BBOX1: variants seen among roughly 807,000 people sequenced by gnomAD.
BBOX1 encodes the protein gamma-butyrobetaine hydroxylase 1.
Under a neutral mutation model 41.6 loss-of-function variants are expected in BBOX1, and 35 were observed. The observed-to-expected ratio is 0.84, with a 90% CI of 0.64 to 1.11. The LOEUF (loss-of-function observed/expected upper bound fraction) is 1.11. Among genes scored for constraint, BBOX1 ranks in the 50% most tolerant of loss-of-function variants. The probability of loss-of-function intolerance (pLI) is 0.00; values close to 1 mark genes in which losing one functional copy is unlikely to be tolerated. For missense variants in BBOX1, 458 were observed against 460.6 expected (o/e 0.99, Z 0.05); for synonymous variants, 163 against 154.7 (o/e 1.05, Z -0.40).
At chr11:27,109,501 C>G (rs757197250) in intron 5 of BBOX1, among the ~76,000 whole-genome samples, 4 of 151,730 alleles carry the variant, frequency 2.6e-5, no homozygotes, top group Non-Finnish European at 4.4e-5. Flanking sequence ...TAGTTGGAAC[C>G]TGAGCTAGAT....
In BBOX1 at chr11:27,097,635, G is replaced by T. The variant is rs140661961; in HGVS notation, c.533+4269G>T. Among the ~76,000 whole-genome samples, 51 of 152,074 alleles carry T rather than the reference G, an allele frequency of 3.4e-4. 1 individual carries two copies. The highest frequency in any genetic ancestry group is 1.1e-3 in the African/African-American group (47 of 41,510). ...TAGGCCAATAAAAATTCCATAAAGC[G>T]AAGGAACAGACTGAAAAGTAACCCC... is the stretch of plus-strand genomic sequence containing the variant. On this transcript the variant is annotated intron_variant, in intron 5 of 8. Transcript: ENST00000263182.
intron 2 of BBOX1, chr11:27,047,343 A>T (rs1021940770): frequency 6.6e-6 from 1 of 152,262 alleles, no homozygotes; most frequent in Admixed American, 6.5e-5. Flanking sequence ...AAAAAAACAG[A>T]TAGAAAGCTC....
At chr11:27,073,181 T>C (rs933106016) in intron 4 of BBOX1, among the ~76,000 whole-genome samples, 20 of 152,284 alleles carry the variant, frequency 1.3e-4, no homozygotes, top group African/African-American at 4.8e-4. Context: ...AAAGGGCTAA[T>C]ATCCAGAATC....
At chr11:27,116,430 A>T (rs746642400) in intron 6 of BBOX1, among the ~76,000 whole-genome samples, 3 of 151,386 alleles carry the variant, frequency 2.0e-5, no homozygotes, top group Non-Finnish European at 4.4e-5. Flanking sequence ...TATGTAACAA[A>T]CCTGCACATT....
chr11:27,082,438 G>C (rs2218317), intron 4 of BBOX1, among the ~76,000 whole-genome samples: 33,593 of 151,970 alleles, frequency 0.22, 4,273 homozygotes, highest in African/African-American at 0.33. Flanking sequence ...AGGACAGAGA[G>C]TAAAACAATT....
At chr11:27,068,834 T>C (rs1216961584) in intron 4 of BBOX1, among the ~76,000 whole-genome samples, 1 of 152,154 alleles carries the variant, frequency 6.6e-6, no homozygotes, top group Admixed American at 6.6e-5. Flanking sequence ...AAGGTATCTT[T>C]TCCCCAATTT....
At chr11:27,053,150 C>T (rs1856867495) in intron 2 of BBOX1, among the ~76,000 whole-genome samples, 1 of 152,180 alleles carries the variant, frequency 6.6e-6, no homozygotes, top group South Asian at 2.1e-4. Context: ...TCATAATTGT[C>T]TTCTCCTGGT....
In BBOX1 at chr11:27,055,536, G is replaced by A. The variant is rs202054890; in HGVS notation, c.106G>A (p.Asp36Asn). The A allele has an allele frequency of 1.9e-6, 3 of 1,614,212 alleles. No homozygotes were observed. Among genetic ancestry groups the A allele is most frequent in the Non-Finnish European group, 2.5e-6 (3 of 1,180,032 alleles). ...TCTCTACCCAGCTGTATGGTTGAGA[G>A]ACAACTGTCCGTGCTCTGATTGCTA... The part of the protein sequence containing the change: ...ESLYPAVWLR[D>N]NCPCSDCYLD... Residue 36 changes from aspartate (D) to asparagine (N), a missense_variant, in exon 3 of 9, where the codon GAC (aspartate) becomes AAC (asparagine). Transcript: ENST00000263182.
chr11:27,123,668 A>T (rs974006674), intron 7 of BBOX1, among the ~76,000 whole-genome samples: 3 of 152,100 alleles, frequency 2.0e-5, no homozygotes, highest in African/African-American at 4.8e-5. Context: ...AGCAGCATGA[A>T]CTCTAAGGGG....
chr11:27,082,289 G>A (rs1590196884), intron 4 of BBOX1, among the ~76,000 whole-genome samples: 1 of 152,198 alleles, frequency 6.6e-6, no homozygotes, highest in African/African-American at 2.4e-5. Flanking sequence ...AAGGTATATT[G>A]TGCCTCAGCA....
intron 4 of BBOX1, among the ~76,000 whole-genome samples, chr11:27,064,950 A>G (rs892399879): frequency 6.6e-6 from 1 of 151,606 alleles, no homozygotes; most frequent in Non-Finnish European, 1.5e-5. Flanking sequence ...GCCCATATAC[A>G]ATAGTGGTGT....
At chr11:27,052,265 G>A (rs1014167006) in intron 2 of BBOX1, among the ~76,000 whole-genome samples, 1 of 151,956 alleles carries the variant, frequency 6.6e-6, no homozygotes, top group African/African-American at 2.4e-5. Context: ...GCTTACATGT[G>A]TCCTCCCATA....
At chr11:27,058,987 A>C (rs1381277160) in intron 4 of BBOX1, among the ~76,000 whole-genome samples, 2 of 152,214 alleles carry the variant, frequency 1.3e-5, no homozygotes, top group South Asian at 2.1e-4. Flanking sequence ...ATATAAGAAG[A>C]AGCCAGTGCT....
At chr11:27,051,765 T>G (rs1412821960) in intron 2 of BBOX1, among the ~76,000 whole-genome samples, 1 of 152,010 alleles carries the variant, frequency 6.6e-6, no homozygotes, top group African/African-American at 2.4e-5. Flanking sequence ...AGTTTAATTT[T>G]TTTCTTGTCT....
chr11:27,124,504 C>T (rs1190041703), intron 7 of BBOX1, among the ~76,000 whole-genome samples: 1 of 152,010 alleles, frequency 6.6e-6, no homozygotes. Context: ...AAATAATGTG[C>T]TTTCCTTATT....
At chr11:27,107,664 A>G (rs996703181) in intron 5 of BBOX1, among the ~76,000 whole-genome samples, 2 of 151,970 alleles carry the variant, frequency 1.3e-5, no homozygotes, top group Non-Finnish European at 2.9e-5. Flanking sequence ...CCTTCATCTC[A>G]CCAAGGCCTC....
chr11:27,101,398 A>T (rs1858649547), intron 5 of BBOX1, among the ~76,000 whole-genome samples: 2 of 152,084 alleles, frequency 1.3e-5, no homozygotes, highest in South Asian at 4.1e-4. Flanking sequence ...ACTAATACCC[A>T]ATTCTTGTTC....
In BBOX1 at chr11:27,127,380, G is replaced by A; in HGVS notation, c.1091G>A (p.Gly364Glu). Residue 364 changes from glycine to glutamate, a missense_variant, in exon 9 of 9, where the codon GGA becomes GAA. Gly to Glu is a moderately conservative substitution (Grantham distance 98, BLOSUM62 -2). Coordinates refer to ENST00000263182, the MANE Select transcript of BBOX1 (RefSeq NM_003986.3). ...ACTGAGATATCCCGCCATCTAGAAG[G>A]AGCTTATGCTGACTGGGATGTGGTC... ...AGTEISRHLE[G>E]AYADWDVVMS... 1 of 1,614,182 alleles carries A rather than the reference G, an allele frequency of 6.2e-7. No homozygotes were observed. Among genetic ancestry groups the A allele is most frequent in the African/African-American group, 1.3e-5 (1 of 75,056 alleles).
In BBOX1 at chr11:27,127,337, C is replaced by G. The variant is rs781597328; in HGVS notation, c.1048C>G (p.Arg350Gly). The G allele has an allele frequency of 6.2e-7, 1 of 1,614,072 alleles. No homozygotes were observed. The highest frequency in any genetic ancestry group is 8.5e-7 in the Non-Finnish European group (1 of 1,179,982). ...TAACTGGCGCTTACTTCATGGCCGA[C>G]GTAGCTATGAAGCAGGAACTGAGAT... ...FDNWRLLHGR[R>G]SYEAGTEISR... The change falls in exon 9 of 9, where the codon CGT becomes GGT. Residue 350 changes from arginine (R) to glycine (G), a missense_variant. Coordinates refer to ENST00000263182, the MANE Select transcript of BBOX1 (RefSeq NM_003986.3).
Sources: gnomAD v4.1 joint callset for allele counts (sites outside exome capture counted in the v4.1 genomes callset) on GRCh38, gnomAD v4.1.1 for gene constraint, MANE v1.5 for transcripts, NCBI Gene and HGNC (gene_info 2026-07-23, HGNC 2026-07-21) for gene names.